Variants in CEP72 observed in about 807,000 individuals in gnomAD.
The protein encoded by CEP72 is centrosomal protein 72.
In CEP72, 78 loss-of-function variants were observed where a neutral mutation model predicts 65.7. The observed-to-expected ratio is 1.19, with a 90% CI of 0.99 to 1.43. CEP72 has a LOEUF of 1.43. Ranked by LOEUF, CEP72 falls within the 40% of genes most tolerant of loss-of-function variation. The pLI is 0.00. For synonymous variants in CEP72, 358 were observed against 351.7 expected (o/e 1.02, Z -0.20); for missense variants, 914 against 832.9 (o/e 1.10, Z -1.20).
In CEP72 at chr5:635,404, C is replaced by T. The variant is rs567719086; in HGVS notation, c.724C>T (p.Gln242Ter). 1.9e-6 allele frequency: 3 copies of T among 1,613,338 alleles called. No individual in the cohort carries two copies. The highest frequency in any genetic ancestry group is 2.2e-5 in the East Asian group (1 of 44,882). ...ACATCTGTTGAGCCCGCAGTTGGTA[C>T]AGTACCAGTGTGGGGACTCTGGGAA... is the stretch of plus-strand genomic sequence containing the variant. ...SRHLLSPQLV[Q>*]YQCGDSGKQG... is the part of the protein sequence containing the mutation. The change falls in exon 6 of 12, where the codon CAG becomes TAG. Residue 242 changes from glutamine (Q) to a stop codon, truncating the protein, a stop_gained. Transcript: ENST00000264935. LOFTEE classifies it high-confidence loss of function.
At chr5:619,575 G>A (rs904126890) in intron 2 of CEP72, among the ~76,000 whole-genome samples, 1 of 152,186 alleles carries the variant, frequency 6.6e-6, no homozygotes, top group Non-Finnish European at 1.5e-5. Flanking sequence ...ACAGAACCGT[G>A]GGATGCGCCT....
chr5:664,908 G>A (rs977576182), intron 2 of CEP72: 3 of 623,432 alleles, frequency 4.8e-6, no homozygotes, highest in Non-Finnish European at 8.3e-6. Flanking sequence ...CCCAAACCTG[G>A]TTTGAGAGGG....
At chr5:642,741 G>T (rs748113136) in intron 9 of CEP72, 1 of 985,268 alleles carries the variant, frequency 1.0e-6, no homozygotes, top group Non-Finnish European at 1.2e-6. Context: ...CGAGCCCCGC[G>T]GGTAAGGAGC....
chr5:635,888 C>CGGG (rs1737563144), intron 6 of CEP72, among the ~76,000 whole-genome samples: 4 of 123,694 alleles, frequency 3.2e-5, no homozygotes, highest in Non-Finnish European at 7.5e-5. Context: ...CATCCTTTAT[C>CGGG]AGGAACCCAG....
chr5:612,651 G>C, intron 1 of CEP72: 1 of 979,176 alleles, frequency 1.0e-6, no homozygotes, highest in South Asian at 4.7e-5. Flanking sequence ...CCGCGTTCGG[G>C]TCCCGGCGTC....
chr5:645,497 CTG>C lies in CEP72; in HGVS notation c.1666+1081_1666+1082del, dbSNP rs745739258. Among the ~76,000 whole-genome samples the C allele has an allele frequency of 3.3e-5, 5 of 150,992 alleles. No homozygotes were observed. The highest frequency in any genetic ancestry group is 5.9e-5 in the Non-Finnish European group (4 of 67,880). On this transcript the variant is annotated intron_variant, in intron 10 of 11. Coordinates refer to ENST00000264935, the MANE Select transcript of CEP72 (RefSeq NM_018140.4). The surrounding 1 kb of genome is among the most constrained non-coding windows in gnomAD (Gnocchi z 4.0). The stretch of plus-strand genomic sequence containing the variant: ...AAAAACAGTTCCCTGCCCGGGAGAA[CTG>C]TGTGTGTGGTTTGCTCTCCCGGCTC...
intron 11 of CEP72, among the ~76,000 whole-genome samples, chr5:649,689 TG>T (rs1235309447): frequency 1.1e-4 from 8 of 70,768 alleles, no homozygotes; most frequent in Admixed American, 1.8e-4. Flanking sequence ...CTGTGAGGCG[TG>T]GACTGTGAGG....
chr5:643,732 A>G (rs961246746), intron 9 of CEP72: 19 of 896,742 alleles, frequency 2.1e-5, no homozygotes, highest in Non-Finnish European at 2.4e-5. Context: ...CTCACACCTC[A>G]CCAGACACCC....
intron 4 of CEP72, among the ~76,000 whole-genome samples, chr5:626,529 A>G (rs2126754743): frequency 6.6e-6 from 1 of 152,168 alleles, no homozygotes; most frequent in East Asian, 1.9e-4. Context: ...ATTTTCAAAC[A>G]TTGAACTGGG....
intron 10 of CEP72, 140 bp from the exon 11 acceptor site, chr5:647,665 C>T (rs920994286): frequency 3.2e-6 from 2 of 632,148 alleles, no homozygotes; most frequent in Non-Finnish European, 5.6e-6. Flanking sequence ...GTCTTTGAGT[C>T]TCATTAATAC....
At chr5:649,687 C>T (rs1316518484) in intron 11 of CEP72, among the ~76,000 whole-genome samples, 5 of 60,296 alleles carry the variant, frequency 8.3e-5, no homozygotes, top group Admixed American at 2.5e-4. Context: ...GACTGTGAGG[C>T]GTGGACTGTG....
intron 1 of CEP72, 148 bp from the exon 2 acceptor site, chr5:618,842 G>A (rs1361597190): frequency 4.5e-6 from 3 of 664,810 alleles, no homozygotes; most frequent in African/African-American, 1.8e-5. Context: ...ACAGATGGCC[G>A]AGGAGAAGAT....
downstream of CEP72, among the ~76,000 whole-genome samples, chr5:669,887 C>G (rs1740146240): frequency 6.6e-6 from 1 of 152,182 alleles, no homozygotes; most frequent in Non-Finnish European, 1.5e-5. Context: ...GGCTGCCCGG[C>G]TCTCCTGACA....
At chr5:642,995 C>T in intron 9 of CEP72, 3 of 985,498 alleles carry the variant, frequency 3.0e-6, no homozygotes, top group Non-Finnish European at 3.6e-6. Context: ...GGCAGATGGG[C>T]TGCGCCCAGC....
chr5:643,078 G>A (rs186426590), intron 9 of CEP72: 1 of 971,306 alleles, frequency 1.0e-6, no homozygotes, highest in Admixed American at 6.3e-5. Context: ...ATTAGGTGTG[G>A]TGGCACACTC....
Position 651,427 on chromosome 5 carries a change from G to A in CEP72, c.1779-1561G>A, listed in dbSNP as rs73734346. On this transcript the variant is annotated intron_variant, in intron 11 of 11. Transcript: ENST00000264935. Reference sequence around the variant, plus strand: ...GTGGACTGTGAGATATGACCTGTGTGCAGTGTGACCAGGGGAGAGAGGTGC... The same window carrying A: ...GTGGACTGTGAGATATGACCTGTGTACAGTGTGACCAGGGGAGAGAGGTGC... Among the ~76,000 whole-genome samples the A allele has an allele frequency of 9.3e-3, 1,412 of 152,046 alleles. 23 individuals are homozygous for A. Among genetic ancestry groups the A allele is most frequent in the African/African-American group, 0.033 (1,351 of 41,386 alleles).
intron 2 of CEP72, chr5:664,983 C>G (rs887661198): frequency 7.3e-5 from 92 of 1,265,878 alleles, no homozygotes; most frequent in Non-Finnish European, 9.3e-5. Flanking sequence ...CGCCCCCCAG[C>G]CCCCTCTGGG....
downstream of CEP72, among the ~76,000 whole-genome samples, chr5:658,914 C>G (rs575040386): frequency 6.6e-6 from 1 of 152,072 alleles, no homozygotes; most frequent in Admixed American, 6.5e-5. Flanking sequence ...GTGATCTGCC[C>G]GCCTCGGCCT....
chr5:667,606 G>A (rs896202245), downstream of CEP72, among the ~76,000 whole-genome samples: 3 of 152,154 alleles, frequency 2.0e-5, no homozygotes, highest in Non-Finnish European at 2.9e-5. Flanking sequence ...AGAAGACACC[G>A]TTAAGGGAAT....
Sources: gnomAD v4.1 joint callset for allele counts (sites outside exome capture counted in the v4.1 genomes callset) on GRCh38, gnomAD v4.1.1 for gene constraint, Gnocchi (gnomAD v3.1) non-coding constraint, MANE v1.5 for transcripts, NCBI Gene and HGNC (gene_info 2026-07-23, HGNC 2026-07-21) for gene names.